Variants in ESRRB observed in about 807,000 individuals in gnomAD.
The protein encoded by ESRRB is estrogen related receptor beta.
ESRRB carries 16 observed loss-of-function variants against 46.0 expected under a neutral mutation model. The observed-to-expected ratio is 0.35, with a 90% CI of 0.24 to 0.53. The LOEUF (loss-of-function observed/expected upper bound fraction) is 0.53, where lower values mean the gene tolerates loss of function less well. Ranked by LOEUF, ESRRB falls within the 20% of genes least tolerant of loss-of-function variation. The probability of loss-of-function intolerance (pLI) is 0.93; values close to 1 mark genes in which losing one functional copy is unlikely to be tolerated. For missense variants in ESRRB, 488 were observed against 607.4 expected, an observed-to-expected ratio of 0.80 and a Z score of 2.07; for synonymous variants, 246 against 259.6, an observed-to-expected ratio of 0.95 and a Z score of 0.50.
intron 3 of ESRRB, among the ~76,000 whole-genome samples, chr14:76,470,779 T>C (rs184098495): frequency 2.6e-5 from 4 of 152,212 alleles, no homozygotes; most frequent in Non-Finnish European, 5.9e-5. Flanking sequence ...CCTCAAACTA[T>C]TGGGCTCAAG....
At chr14:76,467,920 C>T (rs1348073764) in intron 3 of ESRRB, among the ~76,000 whole-genome samples, 2 of 152,164 alleles carry the variant, frequency 1.3e-5, no homozygotes, top group Admixed American at 6.5e-5. Flanking sequence ...TCCATTTCTC[C>T]CCCACTCAGC....
intron 1 of ESRRB, among the ~76,000 whole-genome samples, chr14:76,317,974 T>A (rs1322459392): frequency 1.3e-5 from 2 of 152,208 alleles, no homozygotes; most frequent in African/African-American, 4.8e-5. Context: ...TTAGCATCAT[T>A]CTCCTTGGTT....
chr14:76,353,637 A>G lies in ESRRB; in HGVS notation c.2+42721A>G, dbSNP rs541631366. Among the ~76,000 whole-genome samples the G allele has an allele frequency of 2.6e-5, 4 of 152,320 alleles. No individual in the cohort carries two copies. In the South Asian group the frequency reaches 8.3e-4, roughly 32 times the overall value. On this transcript the variant is annotated intron_variant, in intron 1 of 6. Coordinates refer to the ESRRB transcript ENST00000512784. ...TATGAGGAAACTGAGGCACAGAGCG[A>G]TTAGTGACTTGTCCAAGATCACAGA... is the stretch of plus-strand genomic sequence containing the variant.
chr14:76,388,702 A>G (rs1885345286), intron 1 of ESRRB, among the ~76,000 whole-genome samples: 1 of 152,158 alleles, frequency 6.6e-6, no homozygotes, highest in African/African-American at 2.4e-5. Context: ...GTAGGAAGGA[A>G]CTTTTGGTCT....
In ESRRB at chr14:76,320,266, CA is replaced by C. The variant is rs1883852202; in HGVS notation, c.2+9351del. Among the ~76,000 whole-genome samples, 5 of 152,206 alleles carry C rather than the reference CA, an allele frequency of 3.3e-5. 1 individual carries two copies. In the South Asian group the frequency reaches 1.0e-3, roughly 32 times the overall value. On this transcript the variant is annotated intron_variant, in intron 1 of 6. Coordinates refer to the ESRRB transcript ENST00000512784. ...ATCTCAGAGGCTACCAAAGTGCTTA[CA>C]GAAATAAAACTGATTTTGTAGCAGC...
At chr14:76,399,631 A>AT (rs537116723) in intron 1 of ESRRB, among the ~76,000 whole-genome samples, 1 of 152,126 alleles carries the variant, frequency 6.6e-6, no homozygotes, top group South Asian at 2.1e-4. Context: ...GAGCAAAGAG[A>AT]TTTTTGATTA....
intron 1 of ESRRB, among the ~76,000 whole-genome samples, chr14:76,335,623 C>T (rs1279696468): frequency 6.6e-6 from 1 of 152,160 alleles, no homozygotes; most frequent in African/African-American, 2.4e-5. Flanking sequence ...GAGATCCTCC[C>T]TTGTGTCTTG....
intron 2 of ESRRB, among the ~76,000 whole-genome samples, chr14:76,455,223 A>AAT (rs745630673): frequency 6.6e-6 from 1 of 151,732 alleles, no homozygotes; most frequent in Non-Finnish European, 1.5e-5. Context: ...TCTCAAAAAA[A>AAT]ATATATATAT....
chr14:76,374,804 G>A (rs137969226), upstream of ESRRB, among the ~76,000 whole-genome samples: 28 of 152,190 alleles, frequency 1.8e-4, no homozygotes, highest in East Asian at 2.1e-3. Context: ...TGAGCCTTGC[G>A]CCCAGAGAAT....
chr14:76,414,791 G>A (rs1886627924), intron 1 of ESRRB, among the ~76,000 whole-genome samples: 1 of 151,972 alleles, frequency 6.6e-6, no homozygotes, highest in Admixed American at 6.6e-5. Flanking sequence ...TTCCCAGAGA[G>A]GCACCAGGTG....
At chr14:76,362,299 G>A (rs939747887) in intron 1 of ESRRB, among the ~76,000 whole-genome samples, 1 of 152,198 alleles carries the variant, frequency 6.6e-6, no homozygotes, top group Non-Finnish European at 1.5e-5. Flanking sequence ...TGCTAATGAA[G>A]GGCACAGCAA....
At chr14:76,319,313 A>G (rs1243901021) in intron 1 of ESRRB, among the ~76,000 whole-genome samples, 1 of 152,224 alleles carries the variant, frequency 6.6e-6, no homozygotes, top group East Asian at 1.9e-4. Flanking sequence ...AAGAATAGGA[A>G]TAAGCATGGG....
intron 1 of ESRRB, among the ~76,000 whole-genome samples, chr14:76,412,980 T>C (rs1886506634): frequency 6.6e-6 from 1 of 152,142 alleles, no homozygotes; most frequent in South Asian, 2.1e-4. Context: ...TAACTAGGGA[T>C]GGTGGCTTGT....
chr14:76,408,207 A>G (rs548083509), intron 1 of ESRRB, among the ~76,000 whole-genome samples: 3 of 152,208 alleles, frequency 2.0e-5, no homozygotes, highest in Admixed American at 6.5e-5. Flanking sequence ...TTCATTCTAC[A>G]GAAATTATTC....
intron 1 of ESRRB, among the ~76,000 whole-genome samples, chr14:76,417,501 G>A (rs772866050): frequency 6.6e-6 from 1 of 152,184 alleles, no homozygotes; most frequent in African/African-American, 2.4e-5. Flanking sequence ...CCCAGTGGAT[G>A]TGGTGTTATT....
At chr14:76,394,610 A>G (rs983759266) in intron 1 of ESRRB, among the ~76,000 whole-genome samples, 1 of 152,208 alleles carries the variant, frequency 6.6e-6, no homozygotes, top group Admixed American at 6.5e-5. Context: ...CCTTGGCTAC[A>G]GTTCTGCAGC....
At chr14:76,402,821 C>G (rs560962296) in intron 1 of ESRRB, among the ~76,000 whole-genome samples, 1 of 152,240 alleles carries the variant, frequency 6.6e-6, no homozygotes, top group South Asian at 2.1e-4. Flanking sequence ...GGCATGACAT[C>G]CCACTCAGCT....
chr14:76,361,468 T>G (rs1884463375), intron 1 of ESRRB, among the ~76,000 whole-genome samples: 1 of 152,196 alleles, frequency 6.6e-6, no homozygotes, highest in Non-Finnish European at 1.5e-5. Context: ...TACATATTGA[T>G]GACTCTTCCC....
At position 76,448,587 on chromosome 14, in the gene ESRRB, C is replaced by T. The variant is rs554164454; in HGVS notation, c.460+8837C>T. ...CTGGTCTCAAATGATCTGCCAGCCTCGTCCTCCCAAAGTGCTGGGATTACA... is the reference window on the plus strand; with the variant it reads ...CTGGTCTCAAATGATCTGCCAGCCTTGTCCTCCCAAAGTGCTGGGATTACA... On this transcript the variant is annotated intron_variant, in intron 2 of 6. Transcript: ENST00000644823. Among the ~76,000 whole-genome samples the T allele has an allele frequency of 9.2e-5, 14 of 151,828 alleles. No individual in the cohort carries two copies. The South Asian group carries it at 1.0e-3, about 11-fold the overall frequency.
Sources: gnomAD v4.1 joint callset for allele counts (sites outside exome capture counted in the v4.1 genomes callset) on GRCh38, gnomAD v4.1.1 for gene constraint, MANE v1.5 for transcripts, NCBI Gene and HGNC (gene_info 2026-07-23, HGNC 2026-07-21) for gene names.